Variants in PRKG1 observed in about 807,000 individuals in gnomAD.
PRKG1 encodes cGMP-dependent protein kinase 1.
Under a neutral mutation model 88.1 loss-of-function variants are expected in PRKG1, and 35 were observed. The ratio of observed to expected loss-of-function variants is 0.40; its 90% confidence interval spans 0.30 to 0.53. The LOEUF (loss-of-function observed/expected upper bound fraction) is 0.53, where lower values mean the gene tolerates loss of function less well. Ranked by LOEUF, PRKG1 falls within the 20% of genes least tolerant of loss-of-function variation. PRKG1 has a pLI of 0.59. For synonymous variants in PRKG1, 303 were observed against 292.5 expected, an observed-to-expected ratio of 1.04 and a Z score of -0.37; for missense variants, 540 against 839.8, an observed-to-expected ratio of 0.64 and a Z score of 4.41.
chr10:51,770,697 A>G (rs950944098), intron 3 of PRKG1, among the ~76,000 whole-genome samples: 2 of 152,184 alleles, frequency 1.3e-5, no homozygotes, highest in Admixed American at 1.3e-4. Flanking sequence ...GCACTCTTTA[A>G]GAGAGTTTAA....
chr10:51,022,711 A>G (rs1185799430), intron 1 of PRKG1, among the ~76,000 whole-genome samples: 2 of 152,234 alleles, frequency 1.3e-5, no homozygotes, highest in African/African-American at 2.4e-5. Context: ...ATCAATTAGA[A>G]AAAAAAGATC....
intron 3 of PRKG1, among the ~76,000 whole-genome samples, chr10:51,597,183 T>A (rs933619754): frequency 6.6e-6 from 1 of 151,650 alleles, no homozygotes; most frequent in African/African-American, 2.4e-5. Context: ...GTTTTTTTTT[T>A]AAACCTGTAA....
At chr10:51,846,119 T>C (rs959130845) in intron 4 of PRKG1, among the ~76,000 whole-genome samples, 1 of 152,108 alleles carries the variant, frequency 6.6e-6, no homozygotes, top group Non-Finnish European at 1.5e-5. Flanking sequence ...ATGTTAAAGA[T>C]GTCTAGGAAT....
At position 52,157,611 on chromosome 10, in the gene PRKG1, GTCA is replaced by G. The variant is rs1838157918; in HGVS notation, c.1002-4275_1002-4273del. Among the ~76,000 whole-genome samples the G allele has an allele frequency of 1.3e-4, 20 of 151,456 alleles. No individual in the cohort carries two copies. The South Asian group carries it at 3.7e-3, about 28-fold the overall frequency. ...TAAACTTATTACCCACTGAATTACG[GTCA>G]TCCTTGACTTCTAAAACAGACACGT... On this transcript the variant is annotated intron_variant, in intron 8 of 17. Transcript: ENST00000373980.
chr10:51,137,471 G>T (rs910847326), intron 1 of PRKG1, among the ~76,000 whole-genome samples: 2 of 152,148 alleles, frequency 1.3e-5, no homozygotes, highest in Non-Finnish European at 2.9e-5. Context: ...GCCTAGTGTG[G>T]ATTGAGAATG....
intron 3 of PRKG1, chr10:51,699,687 T>C: frequency 3.2e-6 from 3 of 952,202 alleles, no homozygotes; most frequent in Non-Finnish European, 4.7e-6. Context: ...TCGTTCCGCT[T>C]GCCTGTGGAA....
chr10:51,803,661 G>T (rs547281645), intron 3 of PRKG1, among the ~76,000 whole-genome samples: 6 of 152,010 alleles, frequency 3.9e-5, no homozygotes, highest in African/African-American at 1.4e-4. Flanking sequence ...ACTATATCCT[G>T]GCCCTATTCA....
intron 5 of PRKG1, among the ~76,000 whole-genome samples, chr10:51,959,289 T>A (rs1843388942): frequency 6.6e-6 from 1 of 152,130 alleles, no homozygotes; most frequent in African/African-American, 2.4e-5. Flanking sequence ...TGGAGAAGAT[T>A]TTGTAGAGGA....
At chr10:51,556,488 G>A (rs1837314994) in intron 3 of PRKG1, among the ~76,000 whole-genome samples, 1 of 151,792 alleles carries the variant, frequency 6.6e-6, no homozygotes, top group Non-Finnish European at 1.5e-5. Context: ...CAACCTAGGT[G>A]CTCATCAATG....
At chr10:51,961,878 C>T (rs915628825) in intron 5 of PRKG1, among the ~76,000 whole-genome samples, 2 of 152,090 alleles carry the variant, frequency 1.3e-5, no homozygotes, top group Non-Finnish European at 2.9e-5. Context: ...CCAAGTAAGC[C>T]ACCAGAAGAC....
intron 1 of PRKG1, among the ~76,000 whole-genome samples, chr10:51,026,048 TATAAAAA>T (rs1223231623): frequency 1.3e-5 from 2 of 151,502 alleles, no homozygotes; most frequent in Non-Finnish European, 2.9e-5. Context: ...GCCATGTGAA[TATAAAAA>T]CAGAGATTGG....
chr10:51,122,041 C>G (rs1301372314), intron 1 of PRKG1, among the ~76,000 whole-genome samples: 1 of 152,158 alleles, frequency 6.6e-6, no homozygotes, highest in Non-Finnish European at 1.5e-5. Context: ...TTCTGCTGTA[C>G]CCCTAGCATC....
At chr10:51,737,757 TTA>T (rs1589246348) in intron 3 of PRKG1, among the ~76,000 whole-genome samples, 4 of 29,776 alleles carry the variant, frequency 1.3e-4, no homozygotes, top group African/African-American at 4.4e-4. Flanking sequence ...ATTATTATTA[TTA>T]TTATTATTAT....
chr10:51,847,259 A>G (rs1011863430), intron 4 of PRKG1, among the ~76,000 whole-genome samples: 6 of 152,224 alleles, frequency 3.9e-5, no homozygotes, highest in African/African-American at 1.4e-4. Flanking sequence ...ATTATGAACT[A>G]AACAATGCTA....
At position 51,153,317 on chromosome 10, in the gene PRKG1, G is replaced by A. The variant is rs1176346276; in HGVS notation, c.465G>A (p.Val155=). The A allele has an allele frequency of 6.2e-7, 1 of 1,608,060 alleles. No homozygotes were observed. The highest frequency in any genetic ancestry group is 1.1e-5 in the South Asian group (1 of 90,398). Residue 155 remains valine, a synonymous_variant, in exon 2 of 18, where the codon GTG becomes GTA. Transcript: ENST00000373980. The stretch of plus-strand genomic sequence containing the variant: ...AAGAAGGAGACGTGGGGTCACTGGT[G>A]TATGTCATGGAAGGTACGGTTTGTA... ...IIKEGDVGSL[V]YVMEDGKVEV...
intron 3 of PRKG1, among the ~76,000 whole-genome samples, chr10:51,777,149 T>C (rs1480772753): frequency 6.6e-6 from 1 of 152,128 alleles, no homozygotes; most frequent in Non-Finnish European, 1.5e-5. Context: ...ATTTGTACTG[T>C]AGTAAGATAG....
chr10:51,225,158 G>A (rs1444367886), intron 2 of PRKG1, among the ~76,000 whole-genome samples: 2 of 152,304 alleles, frequency 1.3e-5, no homozygotes, highest in Middle Eastern at 3.4e-3. Context: ...TGTGTCTGGA[G>A]GCGCTGGCGT....
At position 51,107,905 on chromosome 10, in the gene PRKG1, G is replaced by A. The variant is rs191966812; in HGVS notation, c.311+33004G>A. Among the ~76,000 whole-genome samples, 124 of 150,812 alleles carry A rather than the reference G, an allele frequency of 8.2e-4. 1 individual carries two copies. Among genetic ancestry groups the A allele is most frequent in the Admixed American group, 1.3e-4 (2 of 15,146 alleles). On this transcript the variant is annotated intron_variant, in intron 1 of 17. Transcript: ENST00000373980. Reference sequence around the variant, plus strand: ...CACACAATATCAATGTCAGAAATGAGAGAGAGGCATTTTACAAATTTCACA... The same window carrying A: ...CACACAATATCAATGTCAGAAATGAAAGAGAGGCATTTTACAAATTTCACA...
chr10:51,883,108 G>A (rs1841478070), intron 4 of PRKG1, among the ~76,000 whole-genome samples: 1 of 152,154 alleles, frequency 6.6e-6, no homozygotes, highest in South Asian at 2.1e-4. Context: ...GTGGAAAAAG[G>A]GCAAACTGTC....
Sources: gnomAD v4.1 joint callset for allele counts (sites outside exome capture counted in the v4.1 genomes callset) on GRCh38, gnomAD v4.1.1 for gene constraint, MANE v1.5 for transcripts, NCBI Gene and HGNC (gene_info 2026-07-23, HGNC 2026-07-21) for gene names.